TMEM144: variants seen among roughly 807,000 people sequenced by gnomAD.
TMEM144 encodes transmembrane protein 144.
Under a neutral mutation model 43.6 loss-of-function variants are expected in TMEM144, and 39 were observed. The ratio of observed to expected loss-of-function variants is 0.90; its 90% CI spans 0.69 to 1.17. The LOEUF (loss-of-function observed/expected upper bound fraction) is 1.17, where lower values mean the gene tolerates loss of function less well. Ranked by LOEUF, TMEM144 falls within the 50% of genes most tolerant of loss-of-function variation. The pLI is 0.00. For synonymous variants in TMEM144, 154 were observed against 133.6 expected (o/e 1.15, Z -1.06); for missense variants, 417 against 411.9 (o/e 1.01, Z -0.11).
At chr4:158,217,215 C>T in intron 4 of TMEM144, 106 bp from the exon 5 acceptor site, 3 of 720,382 alleles carry the variant, frequency 4.2e-6, no homozygotes, top group Non-Finnish European at 4.3e-6. Context: ...CTAAATTTGT[C>T]CAAATCACAT....
intron 7 of TMEM144, chr4:158,235,188 G>A: frequency 2.4e-6 from 1 of 408,908 alleles, no homozygotes; most frequent in Non-Finnish European, 4.5e-6. Context: ...TTTTATAGGT[G>A]TATCACAATA....
intron 8 of TMEM144, 152 bp downstream of exon 8, chr4:158,235,657 C>G: frequency 1.5e-6 from 1 of 670,046 alleles, no homozygotes; most frequent in East Asian, 3.0e-5. Context: ...TTTTTTTGTC[C>G]CCAGCTGAAT....
At chr4:158,218,533 C>A (rs1734348354) in intron 5 of TMEM144, among the ~76,000 whole-genome samples, 1 of 152,074 alleles carries the variant, frequency 6.6e-6, no homozygotes. Context: ...TTTCTCCTTT[C>A]CTCTTGCCCC....
At chr4:158,247,680 A>C (rs1382794201) in intron 12 of TMEM144, among the ~76,000 whole-genome samples, 1 of 152,144 alleles carries the variant, frequency 6.6e-6, no homozygotes, top group Non-Finnish European at 1.5e-5. Flanking sequence ...AGAATTAACA[A>C]GTAATGTGCC....
chr4:158,243,453 A>G (rs1313568697), intron 11 of TMEM144, among the ~76,000 whole-genome samples: 6 of 152,128 alleles, frequency 3.9e-5, no homozygotes. Flanking sequence ...TTTGGAATCT[A>G]TTTGAAACTC....
intron 9 of TMEM144, among the ~76,000 whole-genome samples, chr4:158,239,933 T>C (rs1735543218): frequency 6.6e-6 from 1 of 151,610 alleles, no homozygotes; most frequent in Admixed American, 6.6e-5. Flanking sequence ...TTGCCCAGGC[T>C]GGAGTGCAGT....
At chr4:158,235,228 G>T in intron 7 of TMEM144, 1 of 477,298 alleles carries the variant, frequency 2.1e-6, no homozygotes, top group Non-Finnish European at 3.7e-6. Context: ...AATTTGAAAT[G>T]GAAGACTTGC....
chr4:158,245,232 G>A (rs1735827086), intron 12 of TMEM144, among the ~76,000 whole-genome samples: 1 of 86,004 alleles, frequency 1.2e-5, no homozygotes, highest in African/African-American at 5.5e-5. Flanking sequence ...GTGTGTGTGT[G>A]TGTGTGTGTG....
chr4:158,240,624 G>A (rs1735587548), intron 10 of TMEM144, among the ~76,000 whole-genome samples: 1 of 152,032 alleles, frequency 6.6e-6, no homozygotes, highest in African/African-American at 2.4e-5. Flanking sequence ...TTAAATCCTT[G>A]AAACTGAATA....
chr4:158,246,825 A>G lies in TMEM144; in HGVS notation c.954+2476A>G, dbSNP rs146766611. 3.7e-3 allele frequency among the ~76,000 whole-genome samples: 569 copies of G among 152,152 alleles called. 3 individuals carry two copies. The highest frequency in any genetic ancestry group is 0.012 in the African/African-American group (511 of 41,584). ...TTATTAGTAATTATAGGTATGAAGA[A>G]GTACAAACCAAGTATAGATTTATAT... On this transcript the variant is annotated intron_variant, in intron 12 of 12. Transcript: ENST00000296529.
At chr4:158,230,584 AATAT>A (rs148492299) in intron 6 of TMEM144, among the ~76,000 whole-genome samples, 1 of 149,192 alleles carries the variant, frequency 6.7e-6, no homozygotes, top group Non-Finnish European at 1.5e-5. Context: ...TAACCTTACA[AATAT>A]ATATATATAT....
chr4:158,221,396 C>G (rs1323914359), intron 6 of TMEM144, among the ~76,000 whole-genome samples: 1 of 152,118 alleles, frequency 6.6e-6, no homozygotes, highest in African/African-American at 2.4e-5. Flanking sequence ...AAGTGCCTCC[C>G]CCTGGCAGAA....
At chr4:158,213,099 A>G (rs1734042161) in intron 3 of TMEM144, 1 of 419,000 alleles carries the variant, frequency 2.4e-6, no homozygotes, top group Non-Finnish European at 4.3e-6. Flanking sequence ...TGATTGATAT[A>G]TTAGAGAACA....
intron 12 of TMEM144, 49 bp downstream of exon 12, chr4:158,244,398 G>A (rs189434497): frequency 1.5e-5 from 23 of 1,499,010 alleles, no homozygotes; most frequent in Middle Eastern, 1.7e-4. Flanking sequence ...GGGTAGGCCG[G>A]GCGTGGTGGC....
intron 6 of TMEM144, among the ~76,000 whole-genome samples, chr4:158,228,707 G>A (rs563979740): frequency 9.2e-5 from 14 of 152,116 alleles, no homozygotes; most frequent in Non-Finnish European, 2.1e-4. Context: ...GAGCTGCATC[G>A]ACCATCTGCC....
intron 8 of TMEM144, 151 bp downstream of exon 8, chr4:158,235,656 C>A: frequency 1.5e-6 from 1 of 677,238 alleles, no homozygotes; most frequent in Non-Finnish European, 2.3e-6. Context: ...GTTTTTTTGT[C>A]CCCAGCTGAA....
chr4:158,246,713 A>G (rs1735908592), intron 12 of TMEM144, among the ~76,000 whole-genome samples: 1 of 152,060 alleles, frequency 6.6e-6, no homozygotes, highest in Non-Finnish European at 1.5e-5. Context: ...CTACCTCACA[A>G]AAAAAGATTT....
intron 12 of TMEM144, among the ~76,000 whole-genome samples, chr4:158,247,006 G>A (rs187639959): frequency 8.6e-5 from 13 of 151,642 alleles, no homozygotes; most frequent in Admixed American, 7.2e-4. Flanking sequence ...TTTTGTTTTT[G>A]GTAAAGACAT....
chr4:158,235,511 G>C lies in TMEM144; in HGVS notation c.563+6G>C, dbSNP rs1393573234. 6.2e-7 allele frequency: 1 copy of C among 1,610,642 alleles called. No individual in the cohort carries two copies. The highest frequency in any genetic ancestry group is 8.5e-7 in the Non-Finnish European group (1 of 1,178,058). On this transcript the variant is annotated splice_donor_region_variant and intron_variant, in intron 8 of 12. Coordinates refer to ENST00000296529, the MANE Select transcript of TMEM144 (RefSeq NM_018342.5). ...ACAGTACACCACCGCATAGTGTAAG[G>C]AGAGGTTACTTCTTTGCTCTATTAC...
Sources: allele counts gnomAD v4.1 joint callset (sites outside exome capture counted in the v4.1 genomes callset), GRCh38; gene constraint gnomAD v4.1.1; transcripts MANE v1.5; gene names NCBI Gene and HGNC (gene_info 2026-07-23, HGNC 2026-07-21).